The following SAG variants were observed in gnomAD, a reference collection of about 807,000 sequenced individuals.
The protein encoded by SAG is S-antigen visual arrestin.
SAG carries 45 observed loss-of-function variants against 55.0 expected under a neutral mutation model. That is an observed-to-expected ratio of 0.82 (90% confidence interval 0.64 to 1.05). SAG has a LOEUF of 1.05. Ranked by LOEUF, SAG falls within the 50% of genes least tolerant of loss-of-function variation. The pLI, the probability that SAG is intolerant of heterozygous loss-of-function variation, is 0.00. For missense variants in SAG, 455 were observed against 512.1 expected (o/e 0.89, Z 1.08); for synonymous variants, 189 against 197.4 (o/e 0.96, Z 0.36).
At chr2:233,344,654 G>T (rs1437287652) in intron 14 of SAG, 1 of 152,122 alleles carries the variant, frequency 6.6e-6, no homozygotes, top group Non-Finnish European at 1.5e-5. Flanking sequence ...AGAGATATGA[G>T]ATAGATATGA....
Position 233,319,003 on chromosome 2 carries a change from T to G in SAG, c.181+208T>G, listed in dbSNP as rs1183092961. On this transcript the variant is annotated intron_variant, in intron 4 of 15. Transcript: ENST00000409110. The surrounding 1 kb of genome is among the most constrained non-coding windows in gnomAD (Gnocchi z 4.4). ...CCTGTTGACACCAGAGCTCACTCGC[T>G]CAGCAAAGTCATTGTCCAGGGTGGC... 1.4e-6 allele frequency: 1 copy of G among 711,032 alleles called. No individual in the cohort carries two copies. Among genetic ancestry groups the G allele is most frequent in the Admixed American group, 2.0e-5 (1 of 49,740 alleles). 44.0% of individuals were successfully genotyped at this position (711,032 alleles called of 1,614,324 possible). A position where few individuals can be genotyped will look rare whatever the true frequency, so the allele number is the denominator to read the frequency against.
rs552535078 is a variant in SAG at position 233,328,402 on chromosome 2, A to G, written c.513-76A>G. On this transcript the variant is annotated intron_variant, in intron 7 of 15. Coordinates refer to ENST00000409110, the MANE Select transcript of SAG (RefSeq NM_000541.5). The stretch of plus-strand genomic sequence containing the variant: ...CATTCCTGGAGAATCTCCATGTGAC[A>G]GTGGGGAGAGAACAGAAGCCTCCCT... 1.1e-5 allele frequency: 17 copies of G among 1,516,366 alleles called. No homozygotes were observed. In the Middle Eastern group the frequency reaches 8.8e-4, roughly 78 times the overall value. 93.9% of individuals were successfully genotyped at this position (1,516,366 alleles called of 1,614,324 possible).
intron 2 of SAG, 52 bp downstream of exon 2, chr2:233,309,316 T>C: frequency 2.6e-6 from 4 of 1,514,288 alleles, no homozygotes; most frequent in East Asian, 2.3e-5. Context: ...TTAAAAAAAA[T>C]GGAGCTTTTT....
At chr2:233,320,978 G>T (rs1460245344) in intron 5 of SAG, among the ~76,000 whole-genome samples, 155 bp downstream of exon 5, 1 of 152,178 alleles carries the variant, frequency 6.6e-6, no homozygotes, top group Non-Finnish European at 1.5e-5. Context: ...GTCTGTGATT[G>T]TCTTTTTTTA....
At chr2:233,316,208 A>G (rs1700214121) in intron 3 of SAG, 73 bp downstream of exon 3, 2 of 860,570 alleles carry the variant, frequency 2.3e-6, no homozygotes, top group African/African-American at 1.7e-5. Flanking sequence ...TTGTGTTTTT[A>G]AAAACTGGCC....
chr2:233,322,490 C>T (rs151333801), intron 5 of SAG, among the ~76,000 whole-genome samples: 9 of 152,304 alleles, frequency 5.9e-5, no homozygotes, highest in African/African-American at 1.7e-4. Flanking sequence ...TTCTGTAAAA[C>T]GTCTTCTCAC....
At chr2:233,318,200 TA>T (rs1328932192) in intron 3 of SAG, among the ~76,000 whole-genome samples, 1 of 152,160 alleles carries the variant, frequency 6.6e-6, no homozygotes, top group African/African-American at 2.4e-5. Context: ...GGTCTGGCTC[TA>T]TTACCCAGGC....
intron 13 of SAG, among the ~76,000 whole-genome samples, chr2:233,341,744 T>C (rs1472504276): frequency 6.6e-6 from 1 of 152,110 alleles, no homozygotes; most frequent in African/African-American, 2.4e-5. Context: ...TCTTTTTGGG[T>C]AATAAAGATG....
At chr2:233,312,643 G>A (rs776929051) in intron 2 of SAG, among the ~76,000 whole-genome samples, 11 of 152,188 alleles carry the variant, frequency 7.2e-5, no homozygotes, top group Non-Finnish European at 1.3e-4. Context: ...CATTTCAGCA[G>A]CAGCAGCCTG....
chr2:233,327,096 C>T (rs762808305), intron 6 of SAG, 25 bp from the exon 7 acceptor site: 1 of 1,603,768 alleles, frequency 6.2e-7, no homozygotes, highest in Non-Finnish European at 8.5e-7. Flanking sequence ...CTGATCGCTG[C>T]CTGTCTGCTC....
At chr2:233,321,839 T>A (rs1700388233) in intron 5 of SAG, among the ~76,000 whole-genome samples, 1 of 152,172 alleles carries the variant, frequency 6.6e-6, no homozygotes, top group Non-Finnish European at 1.5e-5. Context: ...GGTGCTCCCA[T>A]GTACCTGTGC....
At chr2:233,320,326 G>C (rs1700339869) in intron 4 of SAG, among the ~76,000 whole-genome samples, 1 of 152,210 alleles carries the variant, frequency 6.6e-6, no homozygotes, top group African/African-American at 2.4e-5. Flanking sequence ...CAGAGCTAGG[G>C]AATGAAGGGG....
At chr2:233,330,779 G>A (rs1417006035) in intron 9 of SAG, among the ~76,000 whole-genome samples, 1 of 152,082 alleles carries the variant, frequency 6.6e-6, no homozygotes, top group Non-Finnish European at 1.5e-5. Context: ...TGATCCATCC[G>A]CCTCAGCCTC....
chr2:233,320,437 C>T (rs551295831), intron 4 of SAG, among the ~76,000 whole-genome samples, 193 bp from the exon 5 acceptor site: 84 of 152,296 alleles, frequency 5.5e-4, no homozygotes, highest in African/African-American at 1.9e-3. Flanking sequence ...CCCTTTAGAG[C>T]GGTGAACCCT....
At chr2:233,330,156 G>GTCTTATA (rs1366293911) in intron 9 of SAG, among the ~76,000 whole-genome samples, 4 of 152,218 alleles carry the variant, frequency 2.6e-5, no homozygotes, top group African/African-American at 9.6e-5. Flanking sequence ...AGCACAGGGG[G>GTCTTATA]TCTTATATAA....
At position 233,329,254 on chromosome 2, in the gene SAG, AC is replaced by A. The variant is rs143182859; in HGVS notation, c.649-235del. ...CTCATCCTGCCCCCATAACCTCCTG[AC>A]CCCTGGCCTCCTCCGATGTGATGAT... On this transcript the variant is annotated intron_variant, in intron 8 of 15. Coordinates refer to ENST00000409110, the MANE Select transcript of SAG (RefSeq NM_000541.5). 2,279 of 476,698 alleles carry A rather than the reference AC, an allele frequency of 4.8e-3. 43 individuals carry two copies. The highest frequency in any genetic ancestry group is 0.041 in the African/African-American group (2,097 of 50,548). 29.5% of individuals were successfully genotyped at this position (476,698 alleles called of 1,614,324 possible). A position where few individuals can be genotyped will look rare whatever the true frequency, so the allele number is the denominator to read the frequency against.
chr2:233,340,719 C>G lies in SAG; in HGVS notation c.1046+241C>G, dbSNP rs1384394956. ...CTGGGTAAGGACACACACATACACA[C>G]CCAGAAAACTGGCACACTCCATGCA... On this transcript the variant is annotated intron_variant, in intron 13 of 15. Transcript: ENST00000409110. This position sits in a 1 kb window ranked among gnomAD's most constrained non-coding sequence, Gnocchi z 4.2. Among the ~76,000 whole-genome samples the G allele has an allele frequency of 1.3e-5, 2 of 151,960 alleles. No individual in the cohort carries two copies. The highest frequency in any genetic ancestry group is 2.9e-5 in the Non-Finnish European group (2 of 67,978).
intron 11 of SAG, among the ~76,000 whole-genome samples, chr2:233,337,147 C>A (rs1700960874): frequency 6.6e-6 from 1 of 152,060 alleles, no homozygotes; most frequent in African/African-American, 2.4e-5. Context: ...AAGCTTGTAC[C>A]CCTTTTTTCC....
chr2:233,322,517 G>A (rs553846862), intron 5 of SAG, among the ~76,000 whole-genome samples: 4 of 152,268 alleles, frequency 2.6e-5, no homozygotes, highest in South Asian at 2.1e-4. Context: ...ATATTTGGGC[G>A]TGGCCAGTTG....
Sources: gnomAD v4.1 joint callset for allele counts (sites outside exome capture counted in the v4.1 genomes callset) on GRCh38, gnomAD v4.1.1 for gene constraint, Gnocchi (gnomAD v3.1) non-coding constraint, MANE v1.5 for transcripts, NCBI Gene and HGNC (gene_info 2026-07-23, HGNC 2026-07-21) for gene names.